ASIC2: variants seen among roughly 807,000 people sequenced by gnomAD.
ASIC2 encodes acid-sensing ion channel 2.
Under a neutral mutation model 57.3 loss-of-function variants are expected in ASIC2, and 25 were observed. That is an observed-to-expected ratio of 0.44 (90% CI 0.32 to 0.61). The LOEUF (loss-of-function observed/expected upper bound fraction) is 0.61. Ranked by LOEUF, ASIC2 falls within the 20% of genes least tolerant of loss-of-function variation. The pLI, the probability that ASIC2 is intolerant of heterozygous loss-of-function variation, is 0.06. For synonymous variants in ASIC2, 319 were observed against 307.5 expected (o/e 1.04, Z -0.39); for missense variants, 641 against 738.1 (o/e 0.87, Z 1.52).
chr17:34,036,884 A>T (rs1907908591), intron 1 of ASIC2: 1 of 152,414 alleles, frequency 6.6e-6, no homozygotes. Context: ...ATTCCCACTC[A>T]ATTTTTTCCC....
chr17:33,015,807 G>T (rs1000542474), intron 9 of ASIC2, among the ~76,000 whole-genome samples, 164 bp downstream of exon 9: 3 of 152,164 alleles, frequency 2.0e-5, no homozygotes, highest in Non-Finnish European at 4.4e-5. Context: ...GAGGCTCGAG[G>T]CTCAGCTGGA....
intron 3 of ASIC2, among the ~76,000 whole-genome samples, chr17:33,068,435 AG>A (rs2092053145): frequency 6.6e-6 from 1 of 152,208 alleles, no homozygotes; most frequent in Admixed American, 6.5e-5. Flanking sequence ...CAGGAGGCTG[AG>A]GCAGGAGAAT....
At chr17:33,299,995 C>T (rs376513241) in intron 1 of ASIC2, among the ~76,000 whole-genome samples, 26 of 152,336 alleles carry the variant, frequency 1.7e-4, no homozygotes, top group African/African-American at 6.0e-4. Context: ...CAACTTCTAA[C>T]TCATTCTCTG....
intron 1 of ASIC2, among the ~76,000 whole-genome samples, chr17:33,997,613 C>T (rs116367725): frequency 4.6e-5 from 7 of 151,868 alleles, no homozygotes; most frequent in African/African-American, 1.2e-4. Flanking sequence ...ATGCTTTTTC[C>T]GCATCTATTG....
intron 1 of ASIC2, among the ~76,000 whole-genome samples, chr17:34,068,986 C>A (rs8071246): frequency 6.6e-6 from 1 of 152,074 alleles, no homozygotes; most frequent in Non-Finnish European, 1.5e-5. Context: ...CCATTAGCCA[C>A]GCCACTCAAA....
intron 1 of ASIC2, among the ~76,000 whole-genome samples, chr17:33,803,704 G>A (rs188396475): frequency 1.2e-4 from 18 of 146,448 alleles, no homozygotes; most frequent in Admixed American, 6.3e-4. Context: ...ATATTTTCCC[G>A]CCTGCCTTCT....
chr17:33,905,439 C>G (rs1219867191), intron 1 of ASIC2, among the ~76,000 whole-genome samples: 1 of 152,200 alleles, frequency 6.6e-6, no homozygotes, highest in Admixed American at 6.5e-5. Context: ...AGCTACCCAT[C>G]AAGCCATGTA....
intron 1 of ASIC2, among the ~76,000 whole-genome samples, chr17:33,457,679 G>A (rs373619741): frequency 1.4e-4 from 22 of 152,162 alleles, no homozygotes; most frequent in East Asian, 7.7e-4. Flanking sequence ...TGGTGGTGAC[G>A]TCAACACCTC....
chr17:34,015,398 C>T (rs144266678), intron 1 of ASIC2, among the ~76,000 whole-genome samples: 288 of 152,320 alleles, frequency 1.9e-3, no homozygotes, highest in African/African-American at 6.7e-3. Flanking sequence ...AAGGCTCCCA[C>T]AGCTGAGAGC....
intron 1 of ASIC2, chr17:33,976,582 A>G (rs1054157973): frequency 2.0e-5 from 3 of 152,132 alleles, no homozygotes; most frequent in African/African-American, 7.2e-5. Context: ...TGAAGTACGC[A>G]TGTGAGCTCA....
intron 1 of ASIC2, among the ~76,000 whole-genome samples, chr17:33,856,415 T>C (rs1252222713): frequency 2.6e-5 from 4 of 151,316 alleles, no homozygotes; most frequent in African/African-American, 4.9e-5. Flanking sequence ...GTATCAGTAG[T>C]AACAGTAGTA....
chr17:33,620,753 G>T (rs981713375), intron 1 of ASIC2, among the ~76,000 whole-genome samples: 2 of 152,190 alleles, frequency 1.3e-5, no homozygotes, highest in African/African-American at 2.4e-5. Context: ...AATGGAGTCA[G>T]ACTGTAATGC....
chr17:33,776,595 G>A (rs902543895), intron 1 of ASIC2, among the ~76,000 whole-genome samples: 5 of 152,168 alleles, frequency 3.3e-5, no homozygotes, highest in Non-Finnish European at 7.3e-5. Flanking sequence ...GGAACTCCTC[G>A]CTGTCACCCA....
intron 1 of ASIC2, among the ~76,000 whole-genome samples, chr17:33,831,998 T>C (rs535832861): frequency 6.6e-6 from 1 of 152,296 alleles, no homozygotes; most frequent in African/African-American, 2.4e-5. Context: ...CTCCAAAGTA[T>C]TGTTGTGAGA....
chr17:33,562,530 A>G (rs1048458551), intron 1 of ASIC2, among the ~76,000 whole-genome samples: 2 of 152,182 alleles, frequency 1.3e-5, no homozygotes, highest in African/African-American at 4.8e-5. Context: ...GTAGGACGTG[A>G]CATGCTACCT....
At chr17:33,994,973 T>C (rs117605869) in intron 1 of ASIC2, among the ~76,000 whole-genome samples, 3,509 of 152,310 alleles carry the variant, frequency 0.023, 62 homozygotes, top group Non-Finnish European at 0.034. Flanking sequence ...TTTTCACATA[T>C]AGACCCTTCC....
intron 1 of ASIC2, among the ~76,000 whole-genome samples, chr17:33,871,183 C>T (rs1223630935): frequency 1.3e-5 from 2 of 152,166 alleles, no homozygotes; most frequent in Non-Finnish European, 2.9e-5. Flanking sequence ...AGTTCCTGTG[C>T]CCTAGGAGGA....
chr17:33,783,305 A>G, intron 1 of ASIC2, among the ~76,000 whole-genome samples: 1 of 152,184 alleles, frequency 6.6e-6, no homozygotes, highest in Non-Finnish European at 1.5e-5. Context: ...TCCCTTTGAC[A>G]CTTACTAATC....
At chr17:33,768,836 A>G (rs960418594) in intron 1 of ASIC2, among the ~76,000 whole-genome samples, 23 of 152,168 alleles carry the variant, frequency 1.5e-4, no homozygotes, top group Non-Finnish European at 2.9e-4. Context: ...GCCTGACTTC[A>G]GGGAGGAGAT....
Sources: gnomAD v4.1 joint callset for allele counts (sites outside exome capture counted in the v4.1 genomes callset) on GRCh38, gnomAD v4.1.1 for gene constraint, MANE v1.5 for transcripts, NCBI Gene and HGNC (gene_info 2026-07-23, HGNC 2026-07-21) for gene names.